The following ITIH3 variants were observed in gnomAD, a reference collection of about 807,000 sequenced individuals.
ITIH3 encodes the protein inter-alpha-trypsin inhibitor heavy chain H3.
Under a neutral mutation model 96.5 loss-of-function variants are expected in ITIH3, and 81 were observed. The observed-to-expected ratio is 0.84, with a 90% confidence interval of 0.70 to 1.01. The LOEUF is 1.01. Ranked by LOEUF, ITIH3 falls within the 50% of genes least tolerant of loss-of-function variation. The pLI is 0.00. For missense variants in ITIH3, 1,057 were observed against 1,139.3 expected (o/e 0.93, Z 1.04); for synonymous variants, 422 against 445.2 (o/e 0.95, Z 0.66).
chr3:52,807,151 T>A (rs1700087601), intron 19 of ITIH3, 46 bp downstream of exon 19: 5 of 1,483,786 alleles, frequency 3.4e-6, no homozygotes, highest in Non-Finnish European at 4.6e-6. Context: ...AGGGTGAGAG[T>A]CTAAGGAGGC....
chr3:52,806,679 C>T (rs1474294282), intron 18 of ITIH3, among the ~76,000 whole-genome samples: 1 of 152,226 alleles, frequency 6.6e-6, no homozygotes, highest in African/African-American at 2.4e-5. Context: ...CTGAACAACA[C>T]TCCCTGGCCC....
intron 6 of ITIH3, 100 bp from the exon 7 acceptor site, chr3:52,798,866 C>T (rs916105325): frequency 6.9e-7 from 1 of 1,448,254 alleles, no homozygotes; most frequent in East Asian, 2.5e-5. Context: ...AGGGCTCCTC[C>T]CTGTGAGGCT....
chr3:52,804,103 C>A, intron 14 of ITIH3, 94 bp downstream of exon 14: 2 of 1,356,224 alleles, frequency 1.5e-6, no homozygotes, highest in Non-Finnish European at 2.0e-6. Context: ...GCTGGGGAGA[C>A]CCAGACCTGC....
intron 14 of ITIH3, 122 bp from the exon 15 acceptor site, chr3:52,804,604 C>A (rs1578760614): frequency 1.0e-6 from 1 of 999,378 alleles, no homozygotes; most frequent in Non-Finnish European, 1.5e-6. Flanking sequence ...GGGGGAAGAG[C>A]TGGCTGCTGG....
intron 2 of ITIH3, 188 bp downstream of exon 2, chr3:52,795,811 T>A: frequency 1.7e-6 from 1 of 574,682 alleles, no homozygotes. Context: ...TGACGACCCC[T>A]CCAACCTCGC....
intron 15 of ITIH3, 32 bp downstream of exon 15, chr3:52,804,766 T>A: frequency 6.3e-7 from 1 of 1,583,484 alleles, no homozygotes; most frequent in Non-Finnish European, 8.6e-7. Flanking sequence ...GGGTTGGGCA[T>A]TATGGAAGGG....
intron 4 of ITIH3, 73 bp downstream of exon 4, chr3:52,796,916 A>G (rs1021664560): frequency 5.0e-6 from 6 of 1,199,992 alleles, no homozygotes; most frequent in South Asian, 4.5e-5. Context: ...AACAACAACA[A>G]CAGCTATTAT....
At chr3:52,799,290 A>ATG in intron 7 of ITIH3, 82 bp from the exon 8 acceptor site, 3 of 1,238,436 alleles carry the variant, frequency 2.4e-6, no homozygotes, top group Non-Finnish European at 3.4e-6. Context: ...GGGCTGGTAA[A>ATG]TGTCTGGCTT....
intron 10 of ITIH3, 133 bp from the exon 11 acceptor site, chr3:52,800,832 A>C (rs989572235): frequency 6.8e-7 from 1 of 1,463,128 alleles, no homozygotes; most frequent in Admixed American, 1.9e-5. Context: ...GCTCTCCACC[A>C]CCTGCCCCAC....
At chr3:52,805,538 G>T in intron 15 of ITIH3, 2 of 1,298,130 alleles carry the variant, frequency 1.5e-6, no homozygotes, top group Non-Finnish European at 2.0e-6. Context: ...TTACTCAAGA[G>T]AGAGAAGATG....
At position 52,797,864 on chromosome 3, in the gene ITIH3, TGAGGCC is replaced by T; in HGVS notation, c.598_603del (p.Glu200_Ala201del). 6.2e-7 allele frequency: 1 copy of T among 1,610,322 alleles called. No homozygotes were observed. The highest frequency in any genetic ancestry group is 1.7e-5 in the Admixed American group (1 of 59,682). On this transcript the variant is annotated inframe_deletion, in exon 6 of 22. Transcript: ENST00000449956. ...CTCAGGGAATCAGCATGCTGGATGC[TGAGGCC>T]TCTTTCATCACCAACGACCTCCTGG... is the stretch of plus-strand genomic sequence containing the variant.
rs1223198316 is a variant in ITIH3 at position 52,802,408 on chromosome 3, C to T, written c.1458C>T (p.Asp486=). 1.2e-6 allele frequency: 2 copies of T among 1,613,932 alleles called. No individual in the cohort carries two copies. Among genetic ancestry groups the T allele is most frequent in the Non-Finnish European group, 1.7e-6 (2 of 1,179,866 alleles). The change falls in exon 12 of 22, where the codon GAC becomes GAT. Residue 486 remains aspartate (D), a synonymous_variant. Transcript: ENST00000449956. Reference sequence around the variant, plus strand: ...AGTACCCCGAGAACGCTATCCTGGACCTCACCCAGAACACTTACCAGCACT... The same window carrying T: ...AGTACCCCGAGAACGCTATCCTGGATCTCACCCAGAACACTTACCAGCACT... The part of the protein sequence containing the change: ...EMEYPENAIL[D]LTQNTYQHFY...
At chr3:52,807,436 G>A (rs1325170621) in intron 19 of ITIH3, among the ~76,000 whole-genome samples, 1 of 152,228 alleles carries the variant, frequency 6.6e-6, no homozygotes, top group East Asian at 1.9e-4. Flanking sequence ...CTCCCACTGA[G>A]GCTCAGAGAA....
Position 52,806,905 on chromosome 3 carries a change from C to G in ITIH3, c.2061C>G (p.Leu687=). ...LRLIQDAVTG[L]TVNGQITGDK... ...CCTGCCCCATCCCTCTGGCAGGCCTCACAGTTAATGGGCAGATCACTGGCG... is the reference window on the plus strand; with the variant it reads ...CCTGCCCCATCCCTCTGGCAGGCCTGACAGTTAATGGGCAGATCACTGGCG... Residue 687 remains leucine, a synonymous_variant, in exon 19 of 22, where the codon CTC becomes CTG. Coordinates refer to ENST00000449956, the MANE Select transcript of ITIH3 (RefSeq NM_002217.4). 1 of 1,581,476 alleles carries G rather than the reference C, an allele frequency of 6.3e-7. No homozygotes were observed. Among genetic ancestry groups the G allele is most frequent in the South Asian group, 1.2e-5 (1 of 85,970 alleles).
chr3:52,800,931 G>A (rs1362647980), intron 10 of ITIH3, 34 bp from the exon 11 acceptor site: 1 of 1,613,186 alleles, frequency 6.2e-7, no homozygotes, highest in Non-Finnish European at 8.5e-7. Flanking sequence ...CCCCAGGGCT[G>A]GGGCTGGACT....
chr3:52,804,508 T>G, intron 14 of ITIH3: 2 of 566,812 alleles, frequency 3.5e-6, no homozygotes, highest in Non-Finnish European at 6.5e-6. Context: ...AGGATTGGCA[T>G]TGGGAGACAT....
At chr3:52,804,679 A>G (rs773008299) in intron 14 of ITIH3, 47 bp from the exon 15 acceptor site, 58 of 1,564,234 alleles carry the variant, frequency 3.7e-5, no homozygotes, top group South Asian at 3.2e-4. Context: ...CAAGTGCCCT[A>G]TGGCTTCTAA....
intron 11 of ITIH3, 71 bp from the exon 12 acceptor site, chr3:52,802,263 G>A (rs1699858413): frequency 4.0e-6 from 6 of 1,506,424 alleles, no homozygotes; most frequent in Admixed American, 3.6e-5. Context: ...CCTGGGGCAT[G>A]GATGCCCAGC....
In ITIH3 at chr3:52,801,104, C is replaced by T. The variant is rs1194572223; in HGVS notation, c.1341C>T (p.Ala447=). 1 of 1,601,926 alleles carries T rather than the reference C, an allele frequency of 6.2e-7. No individual in the cohort carries two copies. The highest frequency in any genetic ancestry group is 1.3e-5 in the African/African-American group (1 of 74,652). Residue 447 remains alanine, a synonymous_variant, in exon 11 of 22, where the codon GCC becomes GCT. Coordinates refer to ENST00000449956, the MANE Select transcript of ITIH3 (RefSeq NM_002217.4). ...ENMALENHGF[A]RRIYEDSDAD... Reference sequence around the variant, plus strand: ...TGGCCCTGGAGAACCATGGGTTTGCCCGGCGCATTTATGAGGACTCTGATG... The same window carrying T: ...TGGCCCTGGAGAACCATGGGTTTGCTCGGCGCATTTATGAGGACTCTGATG...
Sources: allele counts gnomAD v4.1 joint callset (sites outside exome capture counted in the v4.1 genomes callset), GRCh38; gene constraint gnomAD v4.1.1; transcripts MANE v1.5; gene names NCBI Gene and HGNC (gene_info 2026-07-23, HGNC 2026-07-21).